Variants in RHBDD1 observed in about 807,000 individuals in gnomAD.
RHBDD1 encodes rhomboid-related protein 4.
RHBDD1 carries 38 observed loss-of-function variants against 36.3 expected under a neutral mutation model. The observed-to-expected ratio is 1.05, with a 90% CI of 0.81 to 1.37. RHBDD1 has a LOEUF of 1.37. RHBDD1 is among the 40% of genes most tolerant of loss of function. The pLI is 0.00. For synonymous variants in RHBDD1, 151 were observed against 136.5 expected (o/e 1.11, Z -0.74); for missense variants, 393 against 377.6 (o/e 1.04, Z -0.34).
intron 5 of RHBDD1, chr2:226,869,232 G>T (rs1377237190): frequency 1.0e-6 from 1 of 965,694 alleles, no homozygotes; most frequent in African/African-American, 1.8e-5. Context: ...CTGAGCTTGG[G>T]AAGTAAATGA....
chr2:226,819,975 GTGTTTT>G, the RHBDD1 span, among the ~76,000 whole-genome samples: 15 of 81,936 alleles, frequency 1.8e-4, no homozygotes, highest in East Asian at 4.4e-3. Flanking sequence ...CATATTGTGT[GTGTTTT>G]TTTTTTTTTT....
At chr2:226,887,505 T>C (rs769631495) in intron 5 of RHBDD1, among the ~76,000 whole-genome samples, 5 of 152,238 alleles carry the variant, frequency 3.3e-5, no homozygotes, top group Non-Finnish European at 4.4e-5. Context: ...CTGCGTGATA[T>C]ATACCAAGTA....
chr2:226,857,391 T>C (rs1243711960), intron 3 of RHBDD1, among the ~76,000 whole-genome samples: 1 of 152,068 alleles, frequency 6.6e-6, no homozygotes, highest in East Asian at 1.9e-4. Context: ...ACTCAGAAAG[T>C]TAAACATAAA....
chr2:226,988,349 G>C, intron 8 of RHBDD1: 1 of 1,550,054 alleles, frequency 6.5e-7, no homozygotes, highest in South Asian at 1.2e-5. Context: ...AGGTCATAAA[G>C]AGACAATGGC....
chr2:226,907,025 A>C lies in RHBDD1; in HGVS notation c.655+144A>C, dbSNP rs576117797. 8 of 823,896 alleles carry C rather than the reference A, an allele frequency of 9.7e-6. No homozygotes were observed. The African/African-American group carries it at 1.2e-4, about 12-fold the overall frequency. 51.0% of individuals were successfully genotyped at this position (823,896 alleles called of 1,614,324 possible). ...GTTTTTCTTTTTAAACCGAAAGGTAAAACAACCAGTGCAGTTCCTTACATT... is the reference window on the plus strand; with the variant it reads ...GTTTTTCTTTTTAAACCGAAAGGTACAACAACCAGTGCAGTTCCTTACATT... On this transcript the variant is annotated intron_variant, in intron 6 of 8. Coordinates refer to ENST00000392062, the MANE Select transcript of RHBDD1 (RefSeq NM_001167608.3).
At chr2:226,882,302 C>T (rs1945812005) in intron 5 of RHBDD1, among the ~76,000 whole-genome samples, 1 of 151,620 alleles carries the variant, frequency 6.6e-6, no homozygotes, top group African/African-American at 2.4e-5. Flanking sequence ...TGGTGGCAGG[C>T]ACCTGTAATC....
rs148354332 is a variant in RHBDD1 at position 226,958,287 on chromosome 2, C to A, written c.857-37144C>A. On this transcript the variant is annotated intron_variant, in intron 8 of 8. Coordinates refer to ENST00000392062, the MANE Select transcript of RHBDD1 (RefSeq NM_001167608.3). ...GAAAGGAGCCAATGACACATGGCCA[C>A]ATTATATGATTCGATCATATGAAGT... Among the ~76,000 whole-genome samples the A allele has an allele frequency of 1.9e-3, 288 of 152,226 alleles. 1 individual carries two copies. Among genetic ancestry groups the A allele is most frequent in the African/African-American group, 6.6e-3 (276 of 41,526 alleles).
At chr2:226,971,404 C>T (rs1953471173) in intron 8 of RHBDD1, among the ~76,000 whole-genome samples, 1 of 152,220 alleles carries the variant, frequency 6.6e-6, no homozygotes. Context: ...CACAGTGAAG[C>T]AGAACGGGCA....
At chr2:226,871,638 T>A (rs888272848) in intron 5 of RHBDD1, among the ~76,000 whole-genome samples, 25 of 152,190 alleles carry the variant, frequency 1.6e-4, no homozygotes, top group Non-Finnish European at 3.2e-4. Context: ...TTATAGAATA[T>A]CCCACACTCT....
intron 8 of RHBDD1, among the ~76,000 whole-genome samples, chr2:226,948,920 T>C (rs1241622649): frequency 2.0e-5 from 3 of 152,220 alleles, no homozygotes; most frequent in African/African-American, 7.2e-5. Flanking sequence ...CCTCTTAAGC[T>C]GATAAGCAAC....
Position 226,864,797 on chromosome 2 carries a change from T to C in RHBDD1, c.104T>C (p.Leu35Ser). The C allele has an allele frequency of 6.2e-7, 1 of 1,614,194 alleles. No homozygotes were observed. The highest frequency in any genetic ancestry group is 1.3e-5 in the African/African-American group (1 of 75,052). ...ATTCCACCTGTCACCCTAGCAACTTTGGCCCTCAACATCTGGTTCTTCTTG... is the reference window on the plus strand; with the variant it reads ...ATTCCACCTGTCACCCTAGCAACTTCGGCCCTCAACATCTGGTTCTTCTTG... ...NNIPPVTLAT[L>S]ALNIWFFLNP... The change falls in exon 4 of 9, where the codon TTG becomes TCG. Residue 35 changes from leucine (L) to serine (S), a missense_variant. Coordinates refer to ENST00000392062, the MANE Select transcript of RHBDD1 (RefSeq NM_001167608.3).
the RHBDD1 span, chr2:226,803,964 A>C: frequency 1.3e-4 from 20 of 152,202 alleles, 2 homozygotes; most frequent in Admixed American, 9.2e-4. Context: ...GGTGATGCTG[A>C]TTCTGCTGGG....
At chr2:226,826,387 A>G in the RHBDD1 span, among the ~76,000 whole-genome samples, 14 of 152,372 alleles carry the variant, frequency 9.2e-5, no homozygotes, top group South Asian at 2.1e-4. Context: ...TGCAATTATA[A>G]TAATGACCAT....
chr2:226,929,331 C>A (rs751692557), intron 8 of RHBDD1, among the ~76,000 whole-genome samples: 14 of 152,052 alleles, frequency 9.2e-5, no homozygotes, highest in Non-Finnish European at 1.9e-4. Flanking sequence ...CCCAGGGTAG[C>A]AGGAATGGTT....
chr2:226,810,540 C>CAAAAAAAAAAAA, the RHBDD1 span, among the ~76,000 whole-genome samples: 88 of 33,880 alleles, frequency 2.6e-3, 9 homozygotes, highest in African/African-American at 9.5e-3. Flanking sequence ...GACTCCGTCT[C>CAAAAAAAAAAAA]AAAAAAAAAA....
At chr2:226,976,791 CTCT>C (rs1954670897) in intron 8 of RHBDD1, among the ~76,000 whole-genome samples, 1 of 152,232 alleles carries the variant, frequency 6.6e-6, no homozygotes, top group African/African-American at 2.4e-5. Flanking sequence ...GGAGTGAGGC[CTCT>C]TGGCCCTGGG....
chr2:226,975,300 C>T (rs907562973), intron 8 of RHBDD1, among the ~76,000 whole-genome samples: 8 of 152,140 alleles, frequency 5.3e-5, no homozygotes, highest in African/African-American at 9.7e-5. Context: ...CACACACACA[C>T]ATCTATAAAT....
At chr2:226,834,795 T>TG (rs1396420052), upstream of RHBDD1, among the ~76,000 whole-genome samples, 2 of 152,140 alleles carry the variant, frequency 1.3e-5, no homozygotes, top group Non-Finnish European at 2.9e-5. Context: ...AGATTTTTTT[T>TG]TTTTGAGATA....
intron 8 of RHBDD1, chr2:226,942,394 C>T (rs1384958179): frequency 4.0e-5 from 7 of 174,904 alleles, no homozygotes; most frequent in African/African-American, 1.7e-4. Flanking sequence ...TGCCCGCCAC[C>T]ACACCCGGCT....
Sources: gnomAD v4.1 joint callset for allele counts (sites outside exome capture counted in the v4.1 genomes callset) on GRCh38, gnomAD v4.1.1 for gene constraint, MANE v1.5 for transcripts, NCBI Gene and HGNC (gene_info 2026-07-23, HGNC 2026-07-21) for gene names.